The following CTNNA3 variants were observed in gnomAD, a reference collection of about 807,000 sequenced individuals.
CTNNA3 encodes the protein catenin alpha 3.
In CTNNA3, 76 loss-of-function variants were observed where a neutral mutation model predicts 95.7. That is an observed-to-expected ratio of 0.79 (90% confidence interval 0.66 to 0.96). The LOEUF (loss-of-function observed/expected upper bound fraction) is 0.96, where lower values mean the gene tolerates loss of function less well. Among genes scored for constraint, CTNNA3 ranks in the 40% least tolerant of loss-of-function variants. The pLI, the probability that CTNNA3 is intolerant of heterozygous loss-of-function variation, is 0.00. For missense variants in CTNNA3, 1,191 were observed against 1,089.8 expected (o/e 1.09, Z -1.31); for synonymous variants, 431 against 374.4 (o/e 1.15, Z -1.74).
chr10:66,843,766 G>T (rs1007361215), intron 7 of CTNNA3, among the ~76,000 whole-genome samples: 6 of 152,268 alleles, frequency 3.9e-5, no homozygotes, highest in East Asian at 1.9e-4. Flanking sequence ...AACCATCCGG[G>T]TCTTCAGGCA....
At chr10:66,224,057 TA>T (rs1225662537) in intron 13 of CTNNA3, among the ~76,000 whole-genome samples, 1 of 152,002 alleles carries the variant, frequency 6.6e-6, no homozygotes, top group Non-Finnish European at 1.5e-5. Context: ...AATAAAAATG[TA>T]AAAAGCAAGA....
At chr10:66,578,009 T>C (rs10997244) in intron 10 of CTNNA3, among the ~76,000 whole-genome samples, 43,663 of 151,750 alleles carry the variant, frequency 0.29, 6,701 homozygotes, top group Middle Eastern at 0.42. Context: ...CTCAGCATTG[T>C]TTTGTAATTC....
intron 13 of CTNNA3, among the ~76,000 whole-genome samples, chr10:66,177,315 G>T (rs986578419): frequency 6.6e-6 from 1 of 151,892 alleles, no homozygotes; most frequent in Admixed American, 6.6e-5. Context: ...AATGAGAGAA[G>T]ATATTTTCAT....
chr10:66,628,022 G>A (rs929393037), intron 9 of CTNNA3, among the ~76,000 whole-genome samples: 5 of 151,910 alleles, frequency 3.3e-5, no homozygotes, highest in South Asian at 4.2e-4. Context: ...CCACACTCTC[G>A]CATTATAGCG....
chr10:66,572,009 A>G lies in CTNNA3; in HGVS notation c.1374+49683T>C, dbSNP rs181862637. On this transcript the variant is annotated intron_variant, in intron 10 of 17. Transcript: ENST00000433211. Reference sequence around the variant, plus strand: ...GTCCATGTTCTTAACCACTATACATATTTGCCTCCAGAGATTCCAAAACTT... The same window carrying G: ...GTCCATGTTCTTAACCACTATACATGTTTGCCTCCAGAGATTCCAAAACTT... 8.5e-5 allele frequency among the ~76,000 whole-genome samples: 13 copies of G among 152,176 alleles called. No homozygotes were observed. The South Asian group carries it at 2.7e-3, about 32-fold the overall frequency.
At chr10:66,235,834 C>T (rs900215467) in intron 13 of CTNNA3, among the ~76,000 whole-genome samples, 1 of 152,096 alleles carries the variant, frequency 6.6e-6, no homozygotes, top group East Asian at 1.9e-4. Flanking sequence ...ATTTTAATGT[C>T]CATTTATCAT....
At chr10:66,299,486 A>C (rs1196696821) in intron 12 of CTNNA3, among the ~76,000 whole-genome samples, 1 of 152,210 alleles carries the variant, frequency 6.6e-6, no homozygotes, top group East Asian at 1.9e-4. Context: ...TGCCTAAAGT[A>C]GCAGGTTAAT....
At chr10:67,252,004 G>T (rs1380015397) in intron 5 of CTNNA3, among the ~76,000 whole-genome samples, 1 of 152,060 alleles carries the variant, frequency 6.6e-6, no homozygotes, top group African/African-American at 2.4e-5. Flanking sequence ...GAGGTCAGGT[G>T]TTTGAGACCA....
chr10:67,323,567 G>T (rs901605492), intron 5 of CTNNA3, among the ~76,000 whole-genome samples: 1 of 152,068 alleles, frequency 6.6e-6, no homozygotes, highest in African/African-American at 2.4e-5. Flanking sequence ...CTGTTCCACT[G>T]GTCTATGTGT....
chr10:66,795,102 T>C (rs1017197375), intron 7 of CTNNA3, among the ~76,000 whole-genome samples: 9 of 152,174 alleles, frequency 5.9e-5, no homozygotes, highest in Non-Finnish European at 1.5e-5. Context: ...TAATATAATG[T>C]TGATATTTTG....
chr10:66,575,276 C>T (rs1051517872), intron 10 of CTNNA3, among the ~76,000 whole-genome samples: 17 of 151,794 alleles, frequency 1.1e-4, no homozygotes, highest in Admixed American at 3.9e-4. Context: ...AAAAATGAGG[C>T]TCAAAAATTT....
intron 9 of CTNNA3, among the ~76,000 whole-genome samples, chr10:66,764,625 G>A (rs1821338736): frequency 6.6e-6 from 1 of 152,112 alleles, no homozygotes; most frequent in Admixed American, 6.6e-5. Context: ...AAAAGAAGTT[G>A]TTTTCATAAT....
At chr10:66,980,136 C>G (rs1850329127) in intron 7 of CTNNA3, among the ~76,000 whole-genome samples, 2 of 152,172 alleles carry the variant, frequency 1.3e-5, no homozygotes, top group African/African-American at 4.8e-5. Flanking sequence ...TATTTCATTT[C>G]TGAGCCAGGA....
intron 3 of CTNNA3, among the ~76,000 whole-genome samples, chr10:67,557,440 T>C (rs1489056913): frequency 6.6e-6 from 1 of 152,194 alleles, no homozygotes; most frequent in African/African-American, 2.4e-5. Flanking sequence ...CTAAGCAATC[T>C]TCTGATTATT....
chr10:66,464,488 C>T (rs766955666), intron 11 of CTNNA3, among the ~76,000 whole-genome samples: 1 of 152,026 alleles, frequency 6.6e-6, no homozygotes, highest in African/African-American at 2.4e-5. Flanking sequence ...TAGGGTTGGG[C>T]ACGGAGGCTC....
intron 9 of CTNNA3, among the ~76,000 whole-genome samples, chr10:66,741,529 G>A (rs4604771): frequency 2.6e-5 from 4 of 151,848 alleles, no homozygotes; most frequent in Admixed American, 6.6e-5. Context: ...TTTTCAGAGC[G>A]GAAGAGACCT....
At position 67,180,822 on chromosome 10, in the gene CTNNA3, G is replaced by C. The variant is rs1340775134; in HGVS notation, c.844-302C>G. Among the ~76,000 whole-genome samples, 6 of 152,114 alleles carry C rather than the reference G, an allele frequency of 3.9e-5. No homozygotes were observed. In the South Asian group the frequency reaches 8.3e-4, roughly 21 times the overall value. ...CTCAACCTCTTGATCTATAAAAGCAGAATATTAATGTTGCGTGTGTTGTAA... is the reference window on the plus strand; with the variant it reads ...CTCAACCTCTTGATCTATAAAAGCACAATATTAATGTTGCGTGTGTTGTAA... On this transcript the variant is annotated intron_variant, in intron 6 of 17. Transcript: ENST00000433211.
At chr10:67,132,474 T>C (rs1860065781) in intron 7 of CTNNA3, among the ~76,000 whole-genome samples, 1 of 152,052 alleles carries the variant, frequency 6.6e-6, no homozygotes, top group African/African-American at 2.4e-5. Flanking sequence ...TTAAAAAGTA[T>C]ATGTAGATGT....
intron 9 of CTNNA3, among the ~76,000 whole-genome samples, chr10:66,675,280 G>T (rs1232868936): frequency 6.6e-6 from 1 of 151,330 alleles, no homozygotes; most frequent in Non-Finnish European, 1.5e-5. Context: ...GAGTATGCTT[G>T]CTTGATGTTA....
Sources: gnomAD v4.1 joint callset for allele counts (sites outside exome capture counted in the v4.1 genomes callset) on GRCh38, gnomAD v4.1.1 for gene constraint, MANE v1.5 for transcripts, NCBI Gene and HGNC (gene_info 2026-07-23, HGNC 2026-07-21) for gene names.